The following CDK12 variants were observed in gnomAD, a reference collection of about 807,000 sequenced individuals.
CDK12 encodes the protein cyclin dependent kinase 12.
In CDK12, 17 loss-of-function variants were observed where a neutral mutation model predicts 133.8. That is an observed-to-expected ratio of 0.13 (90% CI 0.09 to 0.19). The LOEUF (loss-of-function observed/expected upper bound fraction) is 0.19. Ranked by LOEUF, CDK12 falls within the 10% of genes least tolerant of loss-of-function variation. CDK12 has a pLI of 1.00. For synonymous variants in CDK12, 694 were observed against 683.6 expected (o/e 1.02, Z -0.24); for missense variants, 1,508 against 1,818.7 (o/e 0.83, Z 3.11).
chr17:39,463,937 T>A (rs2049119259), intron 1 of CDK12, among the ~76,000 whole-genome samples: 1 of 152,132 alleles, frequency 6.6e-6, no homozygotes, highest in South Asian at 2.1e-4. Context: ...CTTTGTGGCC[T>A]CACTTCTGTT....
rs565201212 is a variant in CDK12 at position 39,532,556 on chromosome 17, G to A, written c.*1240G>A. 1.3e-5 allele frequency: 3 copies of A among 231,902 alleles called. No individual in the cohort carries two copies. The highest frequency in any genetic ancestry group is 3.6e-4 in the South Asian group (2 of 5,500). 14.4% of individuals were successfully genotyped at this position (231,902 alleles called of 1,614,324 possible). The stretch of plus-strand genomic sequence containing the variant: ...TACATGGAAATGTAACCTAGTTTAG[G>A]GTGGGTATTTTTCTGAAGATACATC... On this transcript the variant is annotated 3_prime_UTR_variant, in exon 14 of 14. Transcript: ENST00000447079.
intron 11 of CDK12, among the ~76,000 whole-genome samples, chr17:39,521,861 C>CTT (rs377201066): frequency 6.4e-5 from 9 of 141,566 alleles, no homozygotes; most frequent in Admixed American, 7.1e-5. Flanking sequence ...CACTCCCAGC[C>CTT]TTTTTTTTTT....
chr17:39,472,482 T>A (rs1441664758), intron 2 of CDK12, among the ~76,000 whole-genome samples: 1 of 151,304 alleles, frequency 6.6e-6, no homozygotes, highest in African/African-American at 2.4e-5. Context: ...AAGACCAGGC[T>A]GGCCAACATG....
upstream of CDK12, among the ~76,000 whole-genome samples, chr17:39,547,129 A>ATTTT (rs34569985): frequency 7.0e-4 from 63 of 90,590 alleles, no homozygotes; most frequent in East Asian, 1.3e-3. Flanking sequence ...GAGTACTAGG[A>ATTTT]TTTTTTTTTT....
intron 5 of CDK12, among the ~76,000 whole-genome samples, chr17:39,500,461 C>T (rs968389916): frequency 5.3e-5 from 8 of 151,870 alleles, no homozygotes; most frequent in South Asian, 2.1e-4. Context: ...GGTGAAATCT[C>T]GTCTCTACTC....
chr17:39,547,453 C>T (rs80104715), upstream of CDK12, among the ~76,000 whole-genome samples: 8 of 152,174 alleles, frequency 5.3e-5, no homozygotes, highest in Admixed American at 6.5e-5. Flanking sequence ...ATCTTTTGAG[C>T]GAATGGTTTT....
downstream of CDK12, among the ~76,000 whole-genome samples, chr17:39,536,964 T>C (rs1441765581): frequency 6.6e-6 from 1 of 152,232 alleles, no homozygotes; most frequent in African/African-American, 2.4e-5. Context: ...CTTTTTGATA[T>C]CTTGCTCTGG....
At chr17:39,486,962 T>G (rs1227278050) in intron 2 of CDK12, among the ~76,000 whole-genome samples, 2 of 152,094 alleles carry the variant, frequency 1.3e-5, no homozygotes, top group East Asian at 1.9e-4. Context: ...GAGCCAAGAT[T>G]GCACCACTGT....
chr17:39,531,321 G>A lies in CDK12; in HGVS notation c.*5G>A. 4 of 1,471,108 alleles carry A rather than the reference G, an allele frequency of 2.7e-6. No homozygotes were observed. The highest frequency in any genetic ancestry group is 2.7e-6 in the Non-Finnish European group (3 of 1,112,702). The allele number at this position is 1,471,108 out of a possible 1,614,324, so 91.1% of individuals were successfully genotyped here. A position where few individuals can be genotyped will look rare whatever the true frequency, so the allele number is the denominator to read the frequency against. On this transcript the variant is annotated 3_prime_UTR_variant, in exon 14 of 14. Transcript: ENST00000447079. ...GGGAGAGGAGTTCCTTACTAACCCA[G>A]AGACTTCAGTGTCCTGAAAGATTCC...
Position 39,501,261 on chromosome 17 carries a change from C to A in CDK12, c.2431C>A (p.Leu811Ile). 1 of 1,536,984 alleles carries A rather than the reference C, an allele frequency of 6.5e-7. No individual in the cohort carries two copies. The highest frequency in any genetic ancestry group is 8.7e-7 in the Non-Finnish European group (1 of 1,147,404). ...DFKKDKGAFY[L>I]VFEYMDHDLM... ...TCGTCTTTATGTAGGTGCCTTTTAC[C>A]TTGTATTTGAGTATATGGACCATGA... The change falls in exon 6 of 14, where the codon CTT becomes ATT. Residue 811 changes from leucine to isoleucine, a missense_variant. This residue lies in a region of CDK12 where 74 missense variants were observed against 160.2 expected (regional missense o/e 0.46). Coordinates refer to ENST00000447079, the MANE Select transcript of CDK12 (RefSeq NM_016507.4).
chr17:39,490,306 G>T (rs2051482797), intron 2 of CDK12, among the ~76,000 whole-genome samples: 1 of 151,754 alleles, frequency 6.6e-6, no homozygotes, highest in African/African-American at 2.4e-5. Flanking sequence ...GGCAGAGGTT[G>T]TAGTGAGCCA....
intron 3 of CDK12, among the ~76,000 whole-genome samples, chr17:39,492,080 C>G (rs1598030674): frequency 2.1e-5 from 3 of 145,746 alleles, no homozygotes; most frequent in Admixed American, 1.4e-4. Context: ...TTTTCTTTGA[C>G]TCGATTTCAT....
At chr17:39,484,906 C>G (rs1345302317) in intron 2 of CDK12, among the ~76,000 whole-genome samples, 1 of 152,120 alleles carries the variant, frequency 6.6e-6, no homozygotes, top group Non-Finnish European at 1.5e-5. Flanking sequence ...TGCGGTGGCT[C>G]ACGCCTGTAA....
At position 39,462,588 on chromosome 17, in the gene CDK12, G is replaced by A. The variant is rs201160144; in HGVS notation, c.517G>A (p.Glu173Lys). The change falls in exon 1 of 14, where the codon GAA (glutamate) becomes AAA (lysine). Residue 173 changes from glutamate (E) to lysine (K), a missense_variant. Physicochemically the swap from Glu to Lys is moderately conservative, Grantham distance 56. Around this residue, in one of 9 missense-constraint regions of CDK12, gnomAD observed 460 missense variants for 490.8 expected, o/e 0.94. Coordinates refer to ENST00000447079, the MANE Select transcript of CDK12 (RefSeq NM_016507.4). ...KAQVAKSSSKESRSSKLHKEK... is the reference protein window; with the variant it reads ...KAQVAKSSSKKSRSSKLHKEK... ...GCAGGTAGCCAAAAGCAGCAGCAAG[G>A]AATCCAGGTCATCCAAGCTCCACAA... The A allele has an allele frequency of 1.2e-6, 2 of 1,614,142 alleles. No homozygotes were observed. The highest frequency in any genetic ancestry group is 1.7e-6 in the Non-Finnish European group (2 of 1,180,028).
In CDK12 at chr17:39,534,403, G is replaced by A. The variant is rs2055037073; in HGVS notation, c.*3087G>A. On this transcript the variant is annotated 3_prime_UTR_variant, in exon 14 of 14. Transcript: ENST00000447079. ...CTCCCTGATTTAGGTTCCTGACACT[G>A]ATTCCTTTCTCTCTCGTTTTTGACC... is the stretch of plus-strand genomic sequence containing the variant. The A allele has an allele frequency of 8.6e-6, 2 of 232,762 alleles. No homozygotes were observed. The highest frequency in any genetic ancestry group is 1.1e-4 in the Admixed American group (2 of 17,778). 14.4% of individuals were successfully genotyped at this position (232,762 alleles called of 1,614,324 possible). A position where few individuals can be genotyped will look rare whatever the true frequency, so the allele number is the denominator to read the frequency against.
intron 2 of CDK12, among the ~76,000 whole-genome samples, chr17:39,552,861 T>C (rs928782176): frequency 8.5e-5 from 13 of 152,134 alleles, no homozygotes; most frequent in Non-Finnish European, 2.9e-5. Context: ...CCCAAGTACC[T>C]GGGATTATAG....
In CDK12 at chr17:39,471,781, C is replaced by A. The variant is rs373422472; in HGVS notation, c.1931+18C>A. The A allele has an allele frequency of 7.3e-5, 115 of 1,575,190 alleles. No individual in the cohort carries two copies. The African/African-American group carries it at 1.3e-3, about 17-fold the overall frequency. The stretch of plus-strand genomic sequence containing the variant: ...ATGGATAGGTAAGTCCTATAGTGAA[C>A]TGGAAAAAACCCCCTTGATCTAAAC... On this transcript the variant is annotated intron_variant, in intron 2 of 13. Transcript: ENST00000447079.
chr17:39,544,918 C>A (rs1055851376), upstream of CDK12, among the ~76,000 whole-genome samples: 1 of 152,178 alleles, frequency 6.6e-6, no homozygotes, highest in Non-Finnish European at 1.5e-5. Flanking sequence ...GCGTGAGCCA[C>A]CGCACCAGGC....
chr17:39,558,343 G>A (rs1420712118), intron 3 of CDK12, among the ~76,000 whole-genome samples: 2 of 152,196 alleles, frequency 1.3e-5, no homozygotes, highest in Non-Finnish European at 2.9e-5. Flanking sequence ...ATAGTCATTA[G>A]AAGGATAGCA....
Sources: allele counts gnomAD v4.1 joint callset (sites outside exome capture counted in the v4.1 genomes callset), GRCh38; gene constraint gnomAD v4.1.1; regional missense constraint gnomAD v4.1.1; transcripts MANE v1.5; gene names NCBI Gene and HGNC (gene_info 2026-07-23, HGNC 2026-07-21).